Variants in TBL1XR1 observed in about 807,000 individuals in gnomAD.
TBL1XR1 encodes the protein TBL1X/Y related 1.
TBL1XR1 carries 5 observed loss-of-function variants against 66.9 expected under a neutral mutation model. The ratio of observed to expected loss-of-function variants is 0.07; its 90% CI spans 0.04 to 0.16. The LOEUF is 0.16. Ranked by LOEUF, TBL1XR1 falls within the 10% of genes least tolerant of loss-of-function variation. The pLI, the probability that TBL1XR1 is intolerant of heterozygous loss-of-function variation, is 1.00. For synonymous variants in TBL1XR1, 210 were observed against 206.0 expected (o/e 1.02, Z -0.17); for missense variants, 238 against 623.2 (o/e 0.38, Z 6.58).
At chr3:177,068,056 A>C (rs938943987) in intron 2 of TBL1XR1, among the ~76,000 whole-genome samples, 1 of 152,182 alleles carries the variant, frequency 6.6e-6, no homozygotes, top group Non-Finnish European at 1.5e-5. Context: ...TTTACACTTC[A>C]CCACCCAGGT....
chr3:177,178,464 T>TC (rs1734419148), intron 1 of TBL1XR1, among the ~76,000 whole-genome samples: 1 of 152,036 alleles, frequency 6.6e-6, no homozygotes, highest in South Asian at 2.1e-4. Flanking sequence ...AGGAAGACCA[T>TC]CCCTATGCCA....
At chr3:177,078,174 A>T (rs1317285076) in intron 2 of TBL1XR1, among the ~76,000 whole-genome samples, 1 of 152,216 alleles carries the variant, frequency 6.6e-6, no homozygotes, top group Non-Finnish European at 1.5e-5. Flanking sequence ...AGAATGAATA[A>T]ATCTTTTGCC....
At chr3:177,150,145 A>G (rs1260129216) in intron 1 of TBL1XR1, among the ~76,000 whole-genome samples, 1 of 152,210 alleles carries the variant, frequency 6.6e-6, no homozygotes, top group East Asian at 1.9e-4. Flanking sequence ...TTTTCAGAAC[A>G]ATCAAGATGT....
intron 1 of TBL1XR1, among the ~76,000 whole-genome samples, chr3:177,159,168 AG>A (rs1731873623): frequency 6.6e-6 from 1 of 151,912 alleles, no homozygotes; most frequent in Non-Finnish European, 1.5e-5. Context: ...AAAAAAAAAG[AG>A]AGAAATCAGT....
chr3:177,110,879 G>C (rs950226388), intron 1 of TBL1XR1: 1 of 152,106 alleles, frequency 6.6e-6, no homozygotes, highest in Non-Finnish European at 1.5e-5. Flanking sequence ...GTCCAGAAGA[G>C]GAAAATATCT....
chr3:177,066,789 A>G (rs529622185), intron 2 of TBL1XR1, among the ~76,000 whole-genome samples: 3 of 152,304 alleles, frequency 2.0e-5, no homozygotes, highest in Admixed American at 1.3e-4. Context: ...GAGGAAAAGG[A>G]AAGAATCAAA....
intron 14 of TBL1XR1, 34 bp downstream of exon 14, chr3:177,032,937 A>T: frequency 6.8e-7 from 1 of 1,463,334 alleles, no homozygotes; most frequent in Middle Eastern, 1.9e-4. Flanking sequence ...CCTAAATTTA[A>T]GAGCACTTGA....
At chr3:177,183,536 A>C (rs1265198904) in intron 1 of TBL1XR1, among the ~76,000 whole-genome samples, 1 of 151,982 alleles carries the variant, frequency 6.6e-6, no homozygotes, top group African/African-American at 2.4e-5. Flanking sequence ...TTTGAGACGG[A>C]GTTTCACTCC....
At chr3:177,114,833 G>C (rs1487523828) in intron 1 of TBL1XR1, among the ~76,000 whole-genome samples, 1 of 151,862 alleles carries the variant, frequency 6.6e-6, no homozygotes, top group Non-Finnish European at 1.5e-5. Flanking sequence ...TTAAAAATTA[G>C]CTGGGCAGGG....
intron 1 of TBL1XR1, among the ~76,000 whole-genome samples, chr3:177,161,741 G>A (rs567326921): frequency 4.6e-5 from 7 of 150,716 alleles, no homozygotes; most frequent in Non-Finnish European, 7.4e-5. Context: ...CCAAGATCAT[G>A]CCACTGAACT....
chr3:177,110,526 A>G (rs1725424286), intron 1 of TBL1XR1, among the ~76,000 whole-genome samples: 2 of 152,126 alleles, frequency 1.3e-5, no homozygotes, highest in Non-Finnish European at 2.9e-5. Context: ...TGTGTTCACT[A>G]TTCTTCAGCA....
chr3:177,199,701 G>A (rs1455463581), upstream of TBL1XR1, among the ~76,000 whole-genome samples: 1 of 151,720 alleles, frequency 6.6e-6, no homozygotes, highest in East Asian at 1.9e-4. Flanking sequence ...CCCTCCTTCA[G>A]GTTCATAGGA....
At chr3:177,196,868 G>T (rs1055270061) in intron 1 of TBL1XR1, among the ~76,000 whole-genome samples, 4 of 151,846 alleles carry the variant, frequency 2.6e-5, no homozygotes, top group African/African-American at 4.8e-5. Flanking sequence ...GGAAAGGGTA[G>T]GGGGGTGGGC....
intron 1 of TBL1XR1, among the ~76,000 whole-genome samples, chr3:177,165,914 T>C (rs1396795303): frequency 2.8e-5 from 4 of 142,306 alleles, no homozygotes; most frequent in African/African-American, 5.1e-5. Flanking sequence ...CTAGGCAACA[T>C]GGCAAAAGCG....
intron 2 of TBL1XR1, among the ~76,000 whole-genome samples, chr3:177,090,784 T>C (rs1026935537): frequency 1.3e-5 from 2 of 152,002 alleles, no homozygotes; most frequent in South Asian, 2.1e-4. Context: ...GCACTCCAGC[T>C]GGGCGACAGA....
At chr3:177,111,740 T>C (rs1725590665) in intron 1 of TBL1XR1, among the ~76,000 whole-genome samples, 1 of 152,126 alleles carries the variant, frequency 6.6e-6, no homozygotes, top group Non-Finnish European at 1.5e-5. Flanking sequence ...ATACCCTATA[T>C]GGTGGCTGTT....
intron 1 of TBL1XR1, among the ~76,000 whole-genome samples, chr3:177,113,912 GCCA>G (rs1370949507): frequency 2.0e-5 from 3 of 152,014 alleles, no homozygotes; most frequent in Admixed American, 6.6e-5. Flanking sequence ...ACTGTTGGTG[GCCA>G]TTACTGAAAA....
intron 1 of TBL1XR1, among the ~76,000 whole-genome samples, chr3:177,189,664 A>AAAAAAAAAAAAAAAAAAAAAATTTC (rs57549428): frequency 6.3e-5 from 9 of 141,876 alleles, no homozygotes; most frequent in African/African-American, 2.5e-4. Context: ...AAAAAAAAAA[A>AAAAAAAAAAAAAAAAAAAAAATTTC]AGAAGGATGT....
intron 1 of TBL1XR1, among the ~76,000 whole-genome samples, chr3:177,181,385 C>A (rs1251070495): frequency 6.6e-6 from 1 of 150,704 alleles, no homozygotes; most frequent in Non-Finnish European, 1.5e-5. Flanking sequence ...GAGGCTGAGG[C>A]ATGAGAATCA....
Sources: allele counts gnomAD v4.1 joint callset (sites outside exome capture counted in the v4.1 genomes callset), GRCh38; gene constraint gnomAD v4.1.1; transcripts MANE v1.5; gene names NCBI Gene and HGNC (gene_info 2026-07-23, HGNC 2026-07-21).